Variants in FCRL4 observed in about 807,000 individuals in gnomAD.
FCRL4 encodes the protein Fc receptor-like protein 4.
FCRL4 carries 43 observed loss-of-function variants against 64.1 expected under a neutral mutation model. The ratio of observed to expected loss-of-function variants is 0.67; its 90% CI spans 0.53 to 0.87. FCRL4 has a LOEUF of 0.87. Ranked by LOEUF, FCRL4 falls within the 40% of genes least tolerant of loss-of-function variation. The pLI, the probability that FCRL4 is intolerant of heterozygous loss-of-function variation, is 0.00. For missense variants in FCRL4, 656 were observed against 613.5 expected, an observed-to-expected ratio of 1.07 and a Z score of -0.73; for synonymous variants, 253 against 239.8, an observed-to-expected ratio of 1.05 and a Z score of -0.51.
intron 2 of FCRL4, among the ~76,000 whole-genome samples, chr1:157,592,047 G>A (rs1371684042): frequency 6.6e-6 from 1 of 152,158 alleles, no homozygotes; most frequent in Non-Finnish European, 1.5e-5. Context: ...GCCATATGTA[G>A]AAAGCTGAAA....
intron 7 of FCRL4, 153 bp from the exon 8 acceptor site, chr1:157,580,501 G>T: frequency 1.3e-6 from 1 of 765,064 alleles, no homozygotes. Context: ...GTGAAAAAAA[G>T]ATTGTACAAA....
At chr1:157,596,479 G>C (rs1320576127) in intron 1 of FCRL4, 131 bp from the exon 2 acceptor site, 2 of 1,018,056 alleles carry the variant, frequency 2.0e-6, no homozygotes, top group African/African-American at 1.6e-5. Context: ...ATCCATCCCA[G>C]GGAAGCGGGG....
intron 1 of FCRL4, among the ~76,000 whole-genome samples, chr1:157,596,906 T>A (rs1418811646): frequency 6.6e-6 from 1 of 152,140 alleles, no homozygotes; most frequent in Non-Finnish European, 1.5e-5. Context: ...ATTTCCTCAT[T>A]TGTAAATGGG....
At position 157,596,335 on chromosome 1, in the gene FCRL4, T is replaced by C. The variant is rs1473957503; in HGVS notation, c.45A>G (p.Gly15=). 2.5e-6 allele frequency: 4 copies of C among 1,613,956 alleles called. No individual in the cohort carries two copies. The Admixed American group carries it at 6.7e-5, about 27-fold the overall frequency. The change falls in exon 2 of 12, where the codon GGA becomes GGG. Residue 15 remains glycine, a synonymous_variant. Coordinates refer to ENST00000271532, the MANE Select transcript of FCRL4 (RefSeq NM_031282.3). ...AAGAAAATAAGGACTTACCAGATTG[T>C]CCACAGACTGGAGCTGAAAGAGAGT... ...ASLLAFAPVC[G]QSAAAHKPVI... is the part of the protein sequence containing the mutation.
In FCRL4 at chr1:157,597,931, G is replaced by A. The variant is rs370332576; in HGVS notation, c.14C>T (p.Ala5Val). Residue 5 changes from alanine (A) to valine (V), a missense_variant, in exon 1 of 12, where the codon GCG (alanine) becomes GTG (valine). Transcript: ENST00000271532. MLLW[A>V]SLLAFAPVCG... ...TCACTTACCAAAGGCCAGCAAGGACGCCCACAGCAGCATGGAAGCCTGCTC... is the reference window on the plus strand; with the variant it reads ...TCACTTACCAAAGGCCAGCAAGGACACCCACAGCAGCATGGAAGCCTGCTC... The A allele has an allele frequency of 3.5e-4, 558 of 1,613,062 alleles. 6 individuals are homozygous for A. In the South Asian group the frequency reaches 5.8e-3, roughly 17 times the overall value.
chr1:157,589,824 C>A (rs1557792043), intron 2 of FCRL4, among the ~76,000 whole-genome samples: 1 of 152,192 alleles, frequency 6.6e-6, no homozygotes, highest in Non-Finnish European at 1.5e-5. Context: ...GTTACAGAGA[C>A]CTCTCTAAGA....
chr1:157,580,704 G>A (rs1652540792), intron 7 of FCRL4, among the ~76,000 whole-genome samples: 1 of 152,216 alleles, frequency 6.6e-6, no homozygotes, highest in African/African-American at 2.4e-5. Context: ...GGAGCACTGG[G>A]CTCTGACTCA....
intron 3 of FCRL4, among the ~76,000 whole-genome samples, chr1:157,588,348 G>A (rs1314752285): frequency 2.6e-5 from 4 of 152,178 alleles, no homozygotes; most frequent in Admixed American, 2.0e-4. Context: ...CAAAGATAAG[G>A]AGTCTAATAC....
intron 2 of FCRL4, among the ~76,000 whole-genome samples, chr1:157,594,326 G>C (rs1652908973): frequency 6.6e-6 from 1 of 152,186 alleles, no homozygotes; most frequent in African/African-American, 2.4e-5. Context: ...TCCTTTATTT[G>C]AAAGAAGAGA....
At chr1:157,590,410 A>G (rs1198189173) in intron 2 of FCRL4, among the ~76,000 whole-genome samples, 1 of 152,016 alleles carries the variant, frequency 6.6e-6, no homozygotes, top group Admixed American at 6.6e-5. Context: ...GGGATATTCA[A>G]CCTGTGTAAA....
chr1:157,576,653 A>T (rs975015284), intron 10 of FCRL4, among the ~76,000 whole-genome samples: 1 of 152,236 alleles, frequency 6.6e-6, no homozygotes, highest in Non-Finnish European at 1.5e-5. Flanking sequence ...CAAAATTATC[A>T]AGACAGCTTT....
intron 9 of FCRL4, 39 bp from the exon 10 acceptor site, chr1:157,578,581 T>C: frequency 1.3e-6 from 2 of 1,557,786 alleles, no homozygotes; most frequent in Non-Finnish European, 1.8e-6. Context: ...TTCCTGTTAG[T>C]ATTAAAGTGC....
chr1:157,596,350 TGAAA>T lies in FCRL4; in HGVS notation c.32-6_32-3del. The T allele has an allele frequency of 1.2e-6, 2 of 1,613,946 alleles. No homozygotes were observed. Among genetic ancestry groups the T allele is most frequent in the Non-Finnish European group, 1.7e-6 (2 of 1,179,926 alleles). On this transcript the variant is annotated splice_region_variant and splice_polypyrimidine_tract_variant and intron_variant, in intron 1 of 11. Transcript: ENST00000271532. The stretch of plus-strand genomic sequence containing the variant: ...TACCAGATTGTCCACAGACTGGAGC[TGAAA>T]GAGAGTAAAGAGCCAGCCATCAGCG...
intron 8 of FCRL4, among the ~76,000 whole-genome samples, chr1:157,579,699 AATACATACATAC>A (rs71084243): frequency 2.7e-3 from 338 of 123,724 alleles, no homozygotes; most frequent in African/African-American, 9.1e-3. Flanking sequence ...CCTGGGTGAC[AATACATACATAC>A]ATACATACAT....
At chr1:157,581,464 G>T in intron 7 of FCRL4, 67 bp downstream of exon 7, 3 of 1,361,682 alleles carry the variant, frequency 2.2e-6, no homozygotes, top group East Asian at 2.3e-5. Flanking sequence ...GGCCACTAAG[G>T]CTGTCTGCAT....
In FCRL4 at chr1:157,586,330, G is replaced by T. The variant is rs150720118; in HGVS notation, c.973C>A (p.Arg325=). 1.4e-4 allele frequency: 231 copies of T among 1,613,732 alleles called. 6 individuals are homozygous for T. The South Asian group carries it at 2.5e-3, about 18-fold the overall frequency. Reference sequence around the variant, plus strand: ...CCCAGACTCTCCTGCATGTCCTCTCGGTGCCAGGAGAATGTGGTATCCCCT... The same window carrying T: ...CCCAGACTCTCCTGCATGTCCTCTCTGTGCCAGGAGAATGTGGTATCCCCT... The part of the protein sequence containing the change: ...GTGDTTFSWH[R]EDMQESLGRK... The change falls in exon 6 of 12, where the codon CGA becomes AGA. Residue 325 remains arginine (R), a synonymous_variant. Coordinates refer to ENST00000271532, the MANE Select transcript of FCRL4 (RefSeq NM_031282.3).
At chr1:157,580,950 C>A (rs1197886664) in intron 7 of FCRL4, among the ~76,000 whole-genome samples, 1 of 152,202 alleles carries the variant, frequency 6.6e-6, no homozygotes, top group South Asian at 2.1e-4. Context: ...TTTGGAAGCA[C>A]GCAGCAAACA....
chr1:157,596,836 A>C (rs1394858391), intron 1 of FCRL4, among the ~76,000 whole-genome samples: 1 of 152,026 alleles, frequency 6.6e-6, no homozygotes, highest in Non-Finnish European at 1.5e-5. Context: ...TCGAATCCTG[A>C]CTCTGCCACT....
chr1:157,578,795 C>T lies in FCRL4; in HGVS notation c.1335G>A (p.Val445=), dbSNP rs1369675777. Residue 445 remains valine (V), a synonymous_variant, in exon 9 of 12, where the codon GTG becomes GTA. Transcript: ENST00000271532. ...ESSHSICPAQ[V]ELQSLYVDVH... ...CATCAACATACAACGACTGAAGCTCCACCTGGGCAGGGCAGATGGAATGGG... is the reference window on the plus strand; with the variant it reads ...CATCAACATACAACGACTGAAGCTCTACCTGGGCAGGGCAGATGGAATGGG... The T allele has an allele frequency of 1.3e-5, 21 of 1,613,880 alleles. No homozygotes were observed. Among genetic ancestry groups the T allele is most frequent in the Non-Finnish European group, 1.8e-5 (21 of 1,179,940 alleles).
Sources: gnomAD v4.1 joint callset for allele counts (sites outside exome capture counted in the v4.1 genomes callset) on GRCh38, gnomAD v4.1.1 for gene constraint, MANE v1.5 for transcripts, NCBI Gene and HGNC (gene_info 2026-07-23, HGNC 2026-07-21) for gene names.